The following PHF20 variants were observed in gnomAD, a reference collection of about 807,000 sequenced individuals.
PHF20 encodes the protein PHD finger protein 20, also known as glioma-expressed antigen 2.
A neutral mutation model predicts 113.5 loss-of-function variants in PHF20; 23 were observed. The ratio of observed to expected loss-of-function variants is 0.20; its 90% confidence interval spans 0.15 to 0.29. The LOEUF is 0.29. Among genes scored for constraint, PHF20 ranks in the 10% least tolerant of loss-of-function variants. The pLI is 1.00. For synonymous variants in PHF20, 434 were observed against 457.3 expected (o/e 0.95, Z 0.65); for missense variants, 943 against 1,219.6 (o/e 0.77, Z 3.38).
In PHF20 at chr20:35,824,723, C is replaced by T. The variant is rs371479058; in HGVS notation, c.84-17850C>T. On this transcript the variant is annotated intron_variant, in intron 2 of 17. Transcript: ENST00000374012. ...ATCTAATTCCAGAATTCTCATTATCCCAAAAAGAAACCTCATACACATTAG... is the reference window on the plus strand; with the variant it reads ...ATCTAATTCCAGAATTCTCATTATCTCAAAAAGAAACCTCATACACATTAG... 8.5e-5 allele frequency among the ~76,000 whole-genome samples: 13 copies of T among 152,128 alleles called. No individual in the cohort carries two copies. In the East Asian group the frequency reaches 2.3e-3, roughly 27 times the overall value.
At chr20:35,858,035 T>G (rs983803588) in intron 4 of PHF20, among the ~76,000 whole-genome samples, 1 of 152,146 alleles carries the variant, frequency 6.6e-6, no homozygotes, top group Non-Finnish European at 1.5e-5. Flanking sequence ...TTCAGTGAAA[T>G]TTTTTTTATT....
At chr20:35,836,668 C>T (rs2042445842) in intron 2 of PHF20, among the ~76,000 whole-genome samples, 1 of 151,506 alleles carries the variant, frequency 6.6e-6, no homozygotes, top group Non-Finnish European at 1.5e-5. Flanking sequence ...CACGGTGAAA[C>T]CCCATTTCTA....
chr20:35,775,099 C>T (rs1334140207), intron 1 of PHF20: 3 of 152,158 alleles, frequency 2.0e-5, no homozygotes, highest in Non-Finnish European at 4.4e-5. Context: ...GATACTTTAT[C>T]TGTGTACTGC....
chr20:35,879,682 G>A (rs764445502), intron 9 of PHF20, among the ~76,000 whole-genome samples: 1 of 145,014 alleles, frequency 6.9e-6, no homozygotes, highest in Non-Finnish European at 1.5e-5. Context: ...CATGGTATAT[G>A]TATTATTATT....
At chr20:35,846,738 T>C (rs2042631769) in intron 3 of PHF20, among the ~76,000 whole-genome samples, 3 of 152,186 alleles carry the variant, frequency 2.0e-5, no homozygotes, top group Non-Finnish European at 4.4e-5. Flanking sequence ...CCTCTTGGGC[T>C]TATTGAGGTC....
intron 2 of PHF20, among the ~76,000 whole-genome samples, chr20:35,822,191 C>A (rs1481079391): frequency 6.6e-6 from 1 of 152,096 alleles, no homozygotes; most frequent in African/African-American, 2.4e-5. Flanking sequence ...TCGCTTGAAT[C>A]CCAAGATCGA....
intron 12 of PHF20, among the ~76,000 whole-genome samples, chr20:35,916,466 TG>T (rs2055405540): frequency 7.4e-6 from 1 of 135,636 alleles, no homozygotes; most frequent in Non-Finnish European, 1.6e-5. Context: ...ATAGAGTTTT[TG>T]TTTTTGATTT....
At chr20:35,857,581 T>G (rs1056405674) in intron 4 of PHF20, among the ~76,000 whole-genome samples, 16 of 144,014 alleles carry the variant, frequency 1.1e-4, no homozygotes, top group African/African-American at 2.9e-4. Context: ...TTTTTTTTTT[T>G]TTTTTGTTTT....
chr20:35,820,535 G>A (rs970021125), intron 2 of PHF20, among the ~76,000 whole-genome samples: 3 of 147,130 alleles, frequency 2.0e-5, no homozygotes, highest in African/African-American at 7.6e-5. Context: ...TGCAAGCTCC[G>A]CCTCCCAGGT....
At chr20:35,812,965 C>T (rs2042003019) in intron 2 of PHF20, among the ~76,000 whole-genome samples, 1 of 152,092 alleles carries the variant, frequency 6.6e-6, no homozygotes, top group African/African-American at 2.4e-5. Context: ...GAACAGCTTT[C>T]ATTTTTATTA....
rs780792128 is a variant in PHF20, at chr20:35,938,793, C to T, written c.2397C>T (p.Asp799=). The change falls in exon 16 of 18, where the codon GAC becomes GAT. Residue 799 remains aspartate (D), a synonymous_variant. Transcript: ENST00000374012. ...RSHFRNIPVT[D]TRSKEEAPSY... is the part of the protein sequence containing the mutation. ...ATTTCAGAAACATCCCTGTCACTGA[C>T]ACCAGGAGCAAGGAGGAAGCTCCAA... 4 of 1,614,182 alleles carry T rather than the reference C, an allele frequency of 2.5e-6. No homozygotes were observed. The highest frequency in any genetic ancestry group is 3.4e-6 in the Non-Finnish European group (4 of 1,180,020).
rs1166670107 is a variant in PHF20 at position 35,933,029 on chromosome 20, TC to T, written c.2300+1588del. ...TGTTATAGCATATGTAAGAATTTCC[TC>T]CCTTTTTAAGGCTGAGTAATAACTT... On this transcript the variant is annotated intron_variant, in intron 15 of 17. Transcript: ENST00000374012. Among the ~76,000 whole-genome samples, 6 of 152,146 alleles carry T rather than the reference TC, an allele frequency of 3.9e-5. No individual in the cohort carries two copies. The East Asian group carries it at 1.2e-3, about 29-fold the overall frequency.
chr20:35,828,517 C>T (rs759273370), intron 2 of PHF20, among the ~76,000 whole-genome samples: 8 of 152,104 alleles, frequency 5.3e-5, no homozygotes, highest in African/African-American at 1.4e-4. Flanking sequence ...AGCACGTGCA[C>T]GGTATGTAGT....
At chr20:35,782,984 A>G (rs1332714544) in intron 1 of PHF20, among the ~76,000 whole-genome samples, 2 of 152,172 alleles carry the variant, frequency 1.3e-5, no homozygotes, top group African/African-American at 2.4e-5. Context: ...GCTTGAAGCC[A>G]GGAGTTTGAG....
At chr20:35,943,101 A>G (rs866633887) in intron 17 of PHF20, among the ~76,000 whole-genome samples, 28 of 152,098 alleles carry the variant, frequency 1.8e-4, no homozygotes, top group African/African-American at 5.6e-4. Context: ...GGGATTATAG[A>G]CGTGAGCCAC....
chr20:35,839,220 G>A (rs769870930), intron 2 of PHF20, among the ~76,000 whole-genome samples: 5 of 151,250 alleles, frequency 3.3e-5, no homozygotes, highest in Non-Finnish European at 5.9e-5. Flanking sequence ...GAAACCTCGT[G>A]TCTACTAAAA....
intron 9 of PHF20, among the ~76,000 whole-genome samples, chr20:35,877,832 A>C (rs1387603585): frequency 6.6e-6 from 1 of 152,210 alleles, no homozygotes; most frequent in Non-Finnish European, 1.5e-5. Context: ...GAAGTGGGAC[A>C]CTTTGCCACA....
intron 8 of PHF20, 40 bp downstream of exon 8, chr20:35,871,174 T>G: frequency 1.3e-6 from 2 of 1,486,600 alleles, no homozygotes; most frequent in Non-Finnish European, 1.8e-6. Flanking sequence ...CCAACCTGGT[T>G]CCTATTTAGT....
intron 16 of PHF20, among the ~76,000 whole-genome samples, chr20:35,939,390 G>A (rs1167220664): frequency 1.3e-5 from 2 of 152,116 alleles, no homozygotes; most frequent in East Asian, 3.9e-4. Flanking sequence ...GAAGTAGCAA[G>A]GAGATATGGA....
Sources: gnomAD v4.1 joint callset for allele counts (sites outside exome capture counted in the v4.1 genomes callset) on GRCh38, gnomAD v4.1.1 for gene constraint, MANE v1.5 for transcripts, NCBI Gene and HGNC (gene_info 2026-07-23, HGNC 2026-07-21) for gene names.